ZNF714: variants seen among roughly 807,000 people sequenced by gnomAD.
ZNF714 encodes the protein zinc finger protein 714.
Under a neutral mutation model 46.2 loss-of-function variants are expected in ZNF714, and 32 were observed. That is an observed-to-expected ratio of 0.69 (90% CI 0.52 to 0.93). The LOEUF is 0.93. Ranked by LOEUF, ZNF714 falls within the 40% of genes least tolerant of loss-of-function variation. ZNF714 has a pLI of 0.00. For missense variants in ZNF714, 635 were observed against 646.3 expected (o/e 0.98, Z 0.19); for synonymous variants, 199 against 213.1 (o/e 0.93, Z 0.58).
intron 1 of ZNF714, 56 bp downstream of exon 1, chr19:21,082,404 T>C: frequency 7.0e-7 from 1 of 1,435,560 alleles, no homozygotes; most frequent in Non-Finnish European, 9.4e-7. Flanking sequence ...TTGTAAGCGG[T>C]GGGAAGTGGC....
In ZNF714 at chr19:21,117,655, CAT is replaced by C. The variant is rs1969630811; in HGVS notation, c.993_994del (p.His331GlnfsTer13). The C allele has an allele frequency of 6.2e-7, 1 of 1,613,582 alleles. No individual in the cohort carries two copies. Among genetic ancestry groups the C allele is most frequent in the African/African-American group, 1.3e-5 (1 of 74,842 alleles). On this transcript the variant is annotated frameshift_variant, in exon 5 of 5. Transcript: ENST00000456283. LOFTEE classifies it high-confidence loss of function. ...GFNWSSTLTK[H>X]KRIHTGEKPY... ...TAACTGGTCTTCAACCCTTACAAAACATAAAAGAATTCATACTGGAGAGAAAC... is the reference window on the plus strand; with the variant it reads ...TAACTGGTCTTCAACCCTTACAAAACAAAAGAATTCATACTGGAGAGAAAC...
chr19:21,106,352 G>T (rs535242006), intron 4 of ZNF714, among the ~76,000 whole-genome samples: 20 of 152,006 alleles, frequency 1.3e-4, no homozygotes, highest in African/African-American at 4.8e-4. Context: ...GGCGGATCAC[G>T]AGGTCGGGAG....
intron 2 of ZNF714, among the ~76,000 whole-genome samples, chr19:21,084,841 A>G (rs952753604): frequency 1.3e-5 from 2 of 151,644 alleles, no homozygotes; most frequent in African/African-American, 4.8e-5. Flanking sequence ...GCTGGTCTCA[A>G]ACTCCTGACC....
rs138545564 is a variant in ZNF714, at chr19:21,099,921, T to C, written c.142+1011T>C. Among the ~76,000 whole-genome samples, 660 of 152,282 alleles carry C rather than the reference T, an allele frequency of 4.3e-3. 6 individuals carry two copies. Among genetic ancestry groups the C allele is most frequent in the African/African-American group, 0.015 (606 of 41,582 alleles). On this transcript the variant is annotated intron_variant, in intron 4 of 4. Coordinates refer to ENST00000456283, the MANE Select transcript of ZNF714 (RefSeq NM_182515.4). ...CCCAGGCTGGAGTGCAGTGGTGCAA[T>C]CTCAGCTCACTGCAACCTCCACTTT...
chr19:21,097,768 G>T (rs1969078268), intron 2 of ZNF714, among the ~76,000 whole-genome samples: 2 of 144,884 alleles, frequency 1.4e-5, no homozygotes, highest in Admixed American at 6.8e-5. Flanking sequence ...CTTTATTCCA[G>T]ATCTTCTGGG....
In ZNF714 at chr19:21,124,585, A is replaced by G. The variant is rs1969763474; in HGVS notation, c.*6253A>G. On this transcript the variant is annotated 3_prime_UTR_variant, in exon 5 of 5. Coordinates refer to ENST00000456283, the MANE Select transcript of ZNF714 (RefSeq NM_182515.4). ...CATTGTTATTATTTCTAGGTAATTA[A>G]TACCTCACATAGTTAACATTTTTGT... Among the ~76,000 whole-genome samples the G allele has an allele frequency of 6.6e-6, 1 of 152,212 alleles. No individual in the cohort carries two copies. The highest frequency in any genetic ancestry group is 2.4e-5 in the African/African-American group (1 of 41,460).
intron 1 of ZNF714, 34 bp from the exon 2 acceptor site, chr19:21,083,944 T>G: frequency 8.5e-7 from 1 of 1,176,260 alleles, no homozygotes; most frequent in Non-Finnish European, 1.1e-6. Flanking sequence ...AAGTGCCTAG[T>G]GAATATCAGC....
Position 21,123,896 on chromosome 19 carries a change from A to G in ZNF714, c.*5564A>G, listed in dbSNP as rs1455641549. ...ATTTTTAGTCACCAAGCTGTAGCCA[A>G]CTCCTGGGTCATTTTCTCTGAAAAA... On this transcript the variant is annotated 3_prime_UTR_variant, in exon 5 of 5. Coordinates refer to ENST00000456283, the MANE Select transcript of ZNF714 (RefSeq NM_182515.4). The G allele has an allele frequency of 3.3e-5, 5 of 152,154 alleles. No homozygotes were observed. The East Asian group carries it at 9.7e-4, about 29-fold the overall frequency. 9.4% of individuals were successfully genotyped at this position (152,154 alleles called of 1,614,324 possible).
chr19:21,108,997 A>G (rs957359229), intron 4 of ZNF714, among the ~76,000 whole-genome samples: 3 of 152,182 alleles, frequency 2.0e-5, no homozygotes, highest in African/African-American at 7.2e-5. Context: ...TTTGACCATT[A>G]TGTAATACTG....
In ZNF714 at chr19:21,123,889, G is replaced by A. The variant is rs1405082978; in HGVS notation, c.*5557G>A. On this transcript the variant is annotated 3_prime_UTR_variant, in exon 5 of 5. Coordinates refer to ENST00000456283, the MANE Select transcript of ZNF714 (RefSeq NM_182515.4). ...GGTTTTTATTTTTAGTCACCAAGCT[G>A]TAGCCAACTCCTGGGTCATTTTCTC... is the stretch of plus-strand genomic sequence containing the variant. 6.6e-6 allele frequency: 1 copy of A among 152,110 alleles called. No individual in the cohort carries two copies. Among genetic ancestry groups the A allele is most frequent in the Non-Finnish European group, 1.5e-5 (1 of 68,020 alleles). 9.4% of individuals were successfully genotyped at this position (152,110 alleles called of 1,614,324 possible). A position where few individuals can be genotyped will look rare whatever the true frequency, so the allele number is the denominator to read the frequency against.
Position 21,124,194 on chromosome 19 carries a change from CAAT to C in ZNF714, c.*5867_*5869del, listed in dbSNP as rs959723099. On this transcript the variant is annotated 3_prime_UTR_variant, in exon 5 of 5. Transcript: ENST00000456283. Reference sequence around the variant, plus strand: ...TCCTATGGTTATGACTGACAAATGACAATAATAGCCCCAAAATACATATTTTTG... The same window carrying C: ...TCCTATGGTTATGACTGACAAATGACAATAGCCCCAAAATACATATTTTTG... The C allele has an allele frequency of 3.3e-5, 5 of 152,110 alleles. No homozygotes were observed. The highest frequency in any genetic ancestry group is 5.9e-5 in the Non-Finnish European group (4 of 68,026). 9.4% of individuals were successfully genotyped at this position (152,110 alleles called of 1,614,324 possible). A position where few individuals can be genotyped will look rare whatever the true frequency, so the allele number is the denominator to read the frequency against.
chr19:21,082,283 C>T lies in ZNF714; in HGVS notation c.-242C>T. The T allele has an allele frequency of 7.0e-7, 1 of 1,432,206 alleles. No homozygotes were observed. Among genetic ancestry groups the T allele is most frequent in the Non-Finnish European group, 9.4e-7 (1 of 1,060,164 alleles). 88.7% of individuals were successfully genotyped at this position (1,432,206 alleles called of 1,614,324 possible). A position where few individuals can be genotyped will look rare whatever the true frequency, so the allele number is the denominator to read the frequency against. On this transcript the variant is annotated 5_prime_UTR_variant, in exon 1 of 5. Coordinates refer to ENST00000456283, the MANE Select transcript of ZNF714 (RefSeq NM_182515.4). ...CTCGCAGAGGCCCAGCCTCTGTGGC[C>T]CTGTGACCTGCAGGTATTGAGAGAT... is the stretch of plus-strand genomic sequence containing the variant.
intron 4 of ZNF714, among the ~76,000 whole-genome samples, chr19:21,116,400 C>T (rs963126185): frequency 1.3e-5 from 2 of 151,868 alleles, no homozygotes; most frequent in Non-Finnish European, 2.9e-5. Context: ...CTGGAAAGGC[C>T]CCTAGAAGCA....
intron 4 of ZNF714, among the ~76,000 whole-genome samples, chr19:21,105,402 C>T (rs1022806328): frequency 5.9e-5 from 9 of 151,776 alleles, no homozygotes; most frequent in African/African-American, 2.2e-4. Context: ...ATATTAACTA[C>T]TTTCACTTGT....
At chr19:21,083,705 G>T (rs1418123690) in intron 1 of ZNF714, among the ~76,000 whole-genome samples, 2 of 152,050 alleles carry the variant, frequency 1.3e-5, no homozygotes, top group Non-Finnish European at 2.9e-5. Flanking sequence ...CCCATGAGAA[G>T]AAAGCAAAGA....
At chr19:21,115,307 T>C (rs2144877811) in intron 4 of ZNF714, among the ~76,000 whole-genome samples, 1 of 152,146 alleles carries the variant, frequency 6.6e-6, no homozygotes, top group Admixed American at 6.5e-5. Flanking sequence ...ATTATTATAA[T>C]GCTAAGAAAT....
chr19:21,089,366 CTT>C (rs1479392348), intron 2 of ZNF714, among the ~76,000 whole-genome samples: 1 of 152,138 alleles, frequency 6.6e-6, no homozygotes, highest in Non-Finnish European at 1.5e-5. Flanking sequence ...TATTACCAGA[CTT>C]TAGTCAGGTC....
chr19:21,086,912 G>A (rs1968794068), intron 2 of ZNF714, among the ~76,000 whole-genome samples: 1 of 152,106 alleles, frequency 6.6e-6, no homozygotes, highest in Non-Finnish European at 1.5e-5. Context: ...TAACTAGTCA[G>A]AGTCTTCTTG....
chr19:21,112,510 CA>C (rs34485136), intron 4 of ZNF714, among the ~76,000 whole-genome samples: 3 of 148,330 alleles, frequency 2.0e-5, no homozygotes, highest in Admixed American at 6.7e-5. Flanking sequence ...TTAATTTTGT[CA>C]AAAAAACAGC....
Sources: gnomAD v4.1 joint callset for allele counts (sites outside exome capture counted in the v4.1 genomes callset) on GRCh38, gnomAD v4.1.1 for gene constraint, MANE v1.5 for transcripts, NCBI Gene and HGNC (gene_info 2026-07-23, HGNC 2026-07-21) for gene names.